TENT2: variants seen among roughly 807,000 people sequenced by gnomAD.
TENT2 encodes the protein terminal nucleotidyltransferase 2.
Under a neutral mutation model 72.2 loss-of-function variants are expected in TENT2, and 44 were observed. That is an observed-to-expected ratio of 0.61 (90% CI 0.48 to 0.78). The LOEUF (loss-of-function observed/expected upper bound fraction) is 0.78. Ranked by LOEUF, TENT2 falls within the 30% of genes least tolerant of loss-of-function variation. The pLI is 0.00. For missense variants in TENT2, 541 were observed against 569.6 expected, an observed-to-expected ratio of 0.95 and a Z score of 0.51; for synonymous variants, 212 against 192.5, an observed-to-expected ratio of 1.10 and a Z score of -0.84.
intron 1 of TENT2, among the ~76,000 whole-genome samples, chr5:79,618,249 T>C (rs1442192911): frequency 2.0e-5 from 3 of 152,166 alleles, no homozygotes; most frequent in Non-Finnish European, 2.9e-5. Flanking sequence ...TTTTGTGAGA[T>C]AGGGTCTTGC....
At chr5:79,616,948 T>C (rs1358543745) in intron 1 of TENT2, among the ~76,000 whole-genome samples, 3 of 152,060 alleles carry the variant, frequency 2.0e-5, no homozygotes, top group Admixed American at 6.6e-5. Context: ...TTTAATCTTA[T>C]GGAATTGAAA....
intron 12 of TENT2, among the ~76,000 whole-genome samples, chr5:79,672,359 A>G (rs1362285347): frequency 1.3e-5 from 2 of 152,190 alleles, no homozygotes; most frequent in African/African-American, 4.8e-5. Context: ...GTACAATTAA[A>G]TTATTATTGA....
intron 1 of TENT2, among the ~76,000 whole-genome samples, chr5:79,613,686 GT>G: frequency 6.6e-6 from 1 of 152,304 alleles, no homozygotes; most frequent in East Asian, 1.9e-4. Context: ...CCGTTTATGA[GT>G]TGTTTAAGAA....
intron 3 of TENT2, among the ~76,000 whole-genome samples, chr5:79,621,058 AC>A (rs976042681): frequency 3.3e-5 from 5 of 152,088 alleles, no homozygotes; most frequent in African/African-American, 1.2e-4. Context: ...ACATTCTATA[AC>A]CTTTATGTCC....
chr5:79,670,949 G>A (rs1812551850), intron 12 of TENT2, among the ~76,000 whole-genome samples: 1 of 151,534 alleles, frequency 6.6e-6, no homozygotes, highest in Admixed American at 6.6e-5. Flanking sequence ...TTAATTGTTA[G>A]ACTGTATTGA....
At chr5:79,664,219 A>T (rs1805409639) in intron 11 of TENT2, among the ~76,000 whole-genome samples, 1 of 152,182 alleles carries the variant, frequency 6.6e-6, no homozygotes, top group Non-Finnish European at 1.5e-5. Context: ...ACACATATAT[A>T]TAGCAACTTT....
intron 13 of TENT2, among the ~76,000 whole-genome samples, chr5:79,679,977 C>G (rs777158121): frequency 2.0e-5 from 3 of 151,972 alleles, no homozygotes; most frequent in Non-Finnish European, 1.5e-5. Context: ...ATATGTGATT[C>G]TTATATTGAC....
chr5:79,618,013 A>G (rs1761732513), intron 1 of TENT2, among the ~76,000 whole-genome samples: 1 of 151,932 alleles, frequency 6.6e-6, no homozygotes. Context: ...TTTATTTATT[A>G]GGTAATGTCC....
chr5:79,641,011 T>C, intron 5 of TENT2, 46 bp downstream of exon 5: 1 of 1,498,406 alleles, frequency 6.7e-7, no homozygotes, highest in African/African-American at 1.4e-5. Context: ...TGCATTCCTA[T>C]TTTAAATTTT....
intron 4 of TENT2, among the ~76,000 whole-genome samples, chr5:79,626,111 G>A (rs1307153136): frequency 6.6e-6 from 1 of 151,710 alleles, no homozygotes; most frequent in African/African-American, 2.4e-5. Context: ...ACAGGTGTGA[G>A]CCACTGCACC....
At chr5:79,622,231 G>A (rs988083490) in intron 3 of TENT2, among the ~76,000 whole-genome samples, 4 of 152,128 alleles carry the variant, frequency 2.6e-5, no homozygotes, top group Non-Finnish European at 5.9e-5. Context: ...AAATCCCGGA[G>A]GCAGAGGTTG....
chr5:79,637,197 C>T (rs1258194889), intron 4 of TENT2, among the ~76,000 whole-genome samples: 1 of 151,546 alleles, frequency 6.6e-6, no homozygotes, highest in Non-Finnish European at 1.5e-5. Flanking sequence ...CGACATTGCA[C>T]TCTAGTCTGG....
chr5:79,666,819 G>A lies in TENT2; in HGVS notation c.1072-2073G>A, dbSNP rs1378605395. On this transcript the variant is annotated intron_variant, in intron 11 of 14. Transcript: ENST00000453514. ...TAATTGTCCAAAGATTGATCCTTCT[G>A]CCTTGGCCTCCCAAAGTGCTGGGAT... Among the ~76,000 whole-genome samples the A allele has an allele frequency of 5.9e-5, 9 of 152,184 alleles. No individual in the cohort carries two copies. In the East Asian group the frequency reaches 1.5e-3, roughly 26 times the overall value.
rs533688927 is a variant in TENT2, at chr5:79,616,474, C to T, written c.-37-3138C>T. 4.5e-4 allele frequency among the ~76,000 whole-genome samples: 68 copies of T among 151,984 alleles called. No homozygotes were observed. In the South Asian group the frequency reaches 0.014, roughly 31 times the overall value. On this transcript the variant is annotated intron_variant, in intron 1 of 14. Coordinates refer to ENST00000453514, the MANE Select transcript of TENT2 (RefSeq NM_001114394.3). ...CCTCCCAAAGTGCTGGGATTATAGG[C>T]GTGCAGCCTAATTTTGTATTTGTTG...
intron 4 of TENT2, among the ~76,000 whole-genome samples, chr5:79,628,693 T>C (rs1772490864): frequency 6.6e-6 from 1 of 152,182 alleles, no homozygotes; most frequent in African/African-American, 2.4e-5. Context: ...GAGGAAGTAC[T>C]CGAGTTTTTT....
chr5:79,665,675 A>G (rs1806995298), intron 11 of TENT2, among the ~76,000 whole-genome samples: 1 of 152,228 alleles, frequency 6.6e-6, no homozygotes, highest in South Asian at 2.1e-4. Context: ...GAAGCCCAGA[A>G]TAAGATACCA....
intron 13 of TENT2, 124 bp from the exon 14 acceptor site, chr5:79,681,858 C>T (rs952188277): frequency 3.1e-6 from 2 of 653,934 alleles, no homozygotes; most frequent in African/African-American, 1.8e-5. Context: ...TTAGGCTGAC[C>T]CATCTGAAAT....
rs1438189163 is a variant in TENT2, at chr5:79,686,861, G to C, written c.*1588G>C. Among the ~76,000 whole-genome samples, 1 of 151,900 alleles carries C rather than the reference G, an allele frequency of 6.6e-6. No individual in the cohort carries two copies. The highest frequency in any genetic ancestry group is 1.5e-5 in the Non-Finnish European group (1 of 67,964). On this transcript the variant is annotated 3_prime_UTR_variant, in exon 15 of 15. Transcript: ENST00000453514. ...TATGCATTTGAGCTTTTCATATTTT[G>C]GGGGGGAATTTTTCCTAAAATTTAC...
intron 6 of TENT2, 97 bp from the exon 7 acceptor site, chr5:79,642,735 A>G (rs1418888708): frequency 5.5e-6 from 5 of 913,636 alleles, no homozygotes; most frequent in South Asian, 4.8e-5. Flanking sequence ...AAAGGAAAGT[A>G]TATCTTGTAT....
Sources: gnomAD v4.1 joint callset for allele counts (sites outside exome capture counted in the v4.1 genomes callset) on GRCh38, gnomAD v4.1.1 for gene constraint, MANE v1.5 for transcripts, NCBI Gene and HGNC (gene_info 2026-07-23, HGNC 2026-07-21) for gene names.